TMEM38B: variants seen among roughly 807,000 people sequenced by gnomAD.
The protein encoded by TMEM38B is transmembrane protein 38B.
Under a neutral mutation model 28.7 loss-of-function variants are expected in TMEM38B, and 24 were observed. The ratio of observed to expected loss-of-function variants is 0.84; its 90% CI spans 0.61 to 1.18. The LOEUF (loss-of-function observed/expected upper bound fraction) is 1.18. Ranked by LOEUF, TMEM38B falls within the 50% of genes most tolerant of loss-of-function variation. The pLI, the probability that TMEM38B is intolerant of heterozygous loss-of-function variation, is 0.00. For synonymous variants in TMEM38B, 131 were observed against 127.7 expected (o/e 1.03, Z -0.17); for missense variants, 380 against 350.9 (o/e 1.08, Z -0.66).
intron 5 of TMEM38B, chr9:105,758,153 C>G (rs1171828181): frequency 3.4e-6 from 2 of 581,258 alleles, no homozygotes; most frequent in Non-Finnish European, 6.3e-6. Context: ...CCAGTGGGCA[C>G]TGACAGACCT....
chr9:105,717,334 G>A (rs915101862), intron 2 of TMEM38B, among the ~76,000 whole-genome samples: 46 of 152,158 alleles, frequency 3.0e-4, no homozygotes, highest in African/African-American at 8.9e-4. Flanking sequence ...ATCTAATAGA[G>A]TTTAAGAATC....
chr9:105,708,244 CAATAAA>C (rs1026484291), intron 2 of TMEM38B, among the ~76,000 whole-genome samples: 4 of 151,988 alleles, frequency 2.6e-5, no homozygotes, highest in Non-Finnish European at 5.9e-5. Context: ...AACAATGCAA[CAATAAA>C]AATAATGCAA....
intron 4 of TMEM38B, among the ~76,000 whole-genome samples, chr9:105,744,029 C>T (rs1837298600): frequency 1.3e-5 from 2 of 151,964 alleles, no homozygotes; most frequent in African/African-American, 2.4e-5. Flanking sequence ...TTGTATAACT[C>T]AGCATTTTCT....
Position 105,739,415 on chromosome 9 carries a change from CAAAA to C in TMEM38B, c.543-8653_543-8650del, listed in dbSNP as rs199831428. On this transcript the variant is annotated intron_variant, in intron 4 of 5. Transcript: ENST00000374692. ...GGTAATTTTTTCCATTTCTGCAAAA[CAAAA>C]AAAAGTAATCAAGTGAAAAACAAAA... 7.3e-5 allele frequency among the ~76,000 whole-genome samples: 11 copies of C among 149,906 alleles called. No individual in the cohort carries two copies. In the East Asian group the frequency reaches 2.1e-3, roughly 29 times the overall value.
chr9:105,740,680 A>G (rs1837170211), intron 4 of TMEM38B, among the ~76,000 whole-genome samples: 1 of 152,186 alleles, frequency 6.6e-6, no homozygotes, highest in Non-Finnish European at 1.5e-5. Flanking sequence ...AACGAAGTCA[A>G]GTTGTCCCCT....
rs760147975 is a variant in TMEM38B, at chr9:105,710,863, C to T, written c.269+5110C>T. 115 of 341,800 alleles carry T rather than the reference C, an allele frequency of 3.4e-4. 3 individuals carry two copies. Among genetic ancestry groups the T allele is most frequent in the East Asian group, 1.9e-3 (26 of 13,682 alleles). 21.2% of individuals were successfully genotyped at this position (341,800 alleles called of 1,614,324 possible). A position where few individuals can be genotyped will look rare whatever the true frequency, so the allele number is the denominator to read the frequency against. On this transcript the variant is annotated intron_variant, in intron 2 of 5. Transcript: ENST00000374692. ...CTGGCTGCCAAGCCTCAGACACACA[C>T]AGCCAGAGGGCTCCGCTATGGCAAC... is the stretch of plus-strand genomic sequence containing the variant.
chr9:105,716,374 T>TTGTGTGTGTGTGTG (rs139155061), intron 2 of TMEM38B, among the ~76,000 whole-genome samples: 26,244 of 150,532 alleles, frequency 0.17, 2,342 homozygotes, highest in Middle Eastern at 0.3. Flanking sequence ...GTTGTAGCAT[T>TTGTGTGTGTGTGTG]TGTGTGTGTG....
intron 5 of TMEM38B, chr9:105,758,190 G>T: frequency 1.5e-6 from 1 of 650,190 alleles, no homozygotes; most frequent in East Asian, 2.6e-5. Flanking sequence ...TGCCTCCCAG[G>T]CCTTATCTGG....
At chr9:105,696,595 C>G (rs560990997) in intron 1 of TMEM38B, among the ~76,000 whole-genome samples, 79 of 152,338 alleles carry the variant, frequency 5.2e-4, no homozygotes, top group African/African-American at 1.9e-3. Context: ...CAGGTCTATG[C>G]AGTCCTATCC....
chr9:105,738,491 T>C (rs893045612), intron 4 of TMEM38B, among the ~76,000 whole-genome samples: 2 of 152,170 alleles, frequency 1.3e-5, no homozygotes, highest in Non-Finnish European at 2.9e-5. Flanking sequence ...TAGTTGTTAT[T>C]TATTGTTTTG....
intron 1 of TMEM38B, 26 bp from the exon 2 acceptor site, chr9:105,705,571 G>C (rs747234930): frequency 5.6e-6 from 9 of 1,601,040 alleles, no homozygotes; most frequent in Non-Finnish European, 7.7e-6. Flanking sequence ...AATGATCACA[G>C]ACCATATTTT....
intron 4 of TMEM38B, among the ~76,000 whole-genome samples, chr9:105,727,903 C>G (rs1416779218): frequency 6.6e-6 from 1 of 152,032 alleles, no homozygotes. Flanking sequence ...CCTTTCCCTC[C>G]TCGTTCTCTT....
chr9:105,748,284 T>C, intron 5 of TMEM38B, 94 bp downstream of exon 5: 1 of 824,284 alleles, frequency 1.2e-6, no homozygotes, highest in South Asian at 1.7e-5. Flanking sequence ...GAGGAACATT[T>C]ATTTATTATT....
intron 4 of TMEM38B, among the ~76,000 whole-genome samples, chr9:105,746,025 G>A (rs893285778): frequency 4.6e-5 from 7 of 152,180 alleles, no homozygotes; most frequent in Non-Finnish European, 8.8e-5. Context: ...GATGCCTCCA[G>A]CTTTGTTCTT....
At chr9:105,707,585 C>G (rs1332376606) in intron 2 of TMEM38B, among the ~76,000 whole-genome samples, 2 of 151,934 alleles carry the variant, frequency 1.3e-5, no homozygotes, top group African/African-American at 4.8e-5. Context: ...AAAAAGTAAT[C>G]CTGGGAACCT....
At chr9:105,720,863 A>G (rs1213748177) in intron 2 of TMEM38B, among the ~76,000 whole-genome samples, 1 of 152,168 alleles carries the variant, frequency 6.6e-6, no homozygotes, top group Non-Finnish European at 1.5e-5. Flanking sequence ...GAACAAATGA[A>G]GTTTAAAAAA....
rs1478318386 is a variant in TMEM38B at position 105,695,433 on chromosome 9, AAG to A, written c.112+664_112+665del. On this transcript the variant is annotated intron_variant, in intron 1 of 5. Coordinates refer to ENST00000374692, the MANE Select transcript of TMEM38B (RefSeq NM_018112.3). ...CAGTCACGACGGACACTGTACAAGC[AAG>A]AGTTACCTGGCGTAGTTTCACTATC... is the stretch of plus-strand genomic sequence containing the variant. Among the ~76,000 whole-genome samples the A allele has an allele frequency of 4.6e-5, 7 of 152,210 alleles. No individual in the cohort carries two copies. The South Asian group carries it at 1.2e-3, about 27-fold the overall frequency.
chr9:105,714,819 T>G (rs1836034244), intron 2 of TMEM38B, among the ~76,000 whole-genome samples: 1 of 152,200 alleles, frequency 6.6e-6, no homozygotes, highest in African/African-American at 2.4e-5. Flanking sequence ...TGGTTTCTTT[T>G]GGTGAGCAAT....
chr9:105,746,211 G>A (rs1837385721), intron 4 of TMEM38B, among the ~76,000 whole-genome samples: 1 of 148,208 alleles, frequency 6.7e-6, no homozygotes, highest in Non-Finnish European at 1.5e-5. Context: ...TCCTACTCAT[G>A]AGCATGGAAT....
Sources: gnomAD v4.1 joint callset for allele counts (sites outside exome capture counted in the v4.1 genomes callset) on GRCh38, gnomAD v4.1.1 for gene constraint, MANE v1.5 for transcripts, NCBI Gene and HGNC (gene_info 2026-07-23, HGNC 2026-07-21) for gene names.